Variants in PDSS2 observed in about 807,000 individuals in gnomAD.
PDSS2 encodes decaprenyl diphosphate synthase subunit 2.
In PDSS2, 31 loss-of-function variants were observed where a neutral mutation model predicts 44.5. That is an observed-to-expected ratio of 0.70 (90% confidence interval 0.52 to 0.94). The LOEUF is 0.94. PDSS2 is among the 40% of genes least tolerant of loss of function. PDSS2 has a pLI of 0.00. For synonymous variants in PDSS2, 157 were observed against 180.3 expected (o/e 0.87, Z 1.03); for missense variants, 452 against 482.2 (o/e 0.94, Z 0.59).
At chr6:107,379,944 TTCTC>T (rs745975566) in intron 1 of PDSS2, among the ~76,000 whole-genome samples, 20 of 152,226 alleles carry the variant, frequency 1.3e-4, no homozygotes, top group East Asian at 3.9e-4. Context: ...TATATTTTCT[TTCTC>T]TATTATCAGT....
At chr6:107,176,634 G>A (rs1011807342) in intron 7 of PDSS2, among the ~76,000 whole-genome samples, 1 of 152,110 alleles carries the variant, frequency 6.6e-6, no homozygotes, top group Non-Finnish European at 1.5e-5. Context: ...TGCTAAGTAC[G>A]TTTGTGAGTT....
intron 2 of PDSS2, among the ~76,000 whole-genome samples, chr6:107,313,243 G>T (rs17270064): frequency 0.15 from 22,509 of 152,124 alleles, 2,094 homozygotes; most frequent in East Asian, 0.26. Context: ...TTGTTCAGAA[G>T]TTCAGAATAT....
chr6:107,328,513 T>C (rs963558685), intron 2 of PDSS2, among the ~76,000 whole-genome samples: 14 of 152,174 alleles, frequency 9.2e-5, no homozygotes, highest in African/African-American at 3.1e-4. Context: ...TGACCTCAAA[T>C]GATCCACCCA....
At chr6:107,411,512 T>C (rs1394516213) in intron 1 of PDSS2, among the ~76,000 whole-genome samples, 1 of 152,194 alleles carries the variant, frequency 6.6e-6, no homozygotes, top group Non-Finnish European at 1.5e-5. Flanking sequence ...TTAAGAGCCA[T>C]CTATACAATT....
chr6:107,283,041 G>C (rs1776020682), intron 2 of PDSS2, among the ~76,000 whole-genome samples: 1 of 151,772 alleles, frequency 6.6e-6, no homozygotes, highest in Non-Finnish European at 1.5e-5. Context: ...CAGTTTGGCT[G>C]GGTGTGGTGG....
chr6:107,423,149 A>T lies in PDSS2; in HGVS notation c.296+35841T>A, dbSNP rs548445945. ...TGTATGCTTGCTCATCATGAAGTTG[A>T]TAATCTCTGCATCTCTGTTATATCT... On this transcript the variant is annotated intron_variant, in intron 1 of 7. Transcript: ENST00000369037. Among the ~76,000 whole-genome samples, 8 of 152,292 alleles carry T rather than the reference A, an allele frequency of 5.3e-5. No individual in the cohort carries two copies. The South Asian group carries it at 1.2e-3, about 24-fold the overall frequency.
At chr6:107,162,668 C>T (rs1450924238) in intron 7 of PDSS2, among the ~76,000 whole-genome samples, 5 of 129,768 alleles carry the variant, frequency 3.9e-5, no homozygotes, top group African/African-American at 6.1e-5. Flanking sequence ...AGTGCAGTGG[C>T]GCAATCTCAG....
chr6:107,458,648 T>TGA (rs1782135910), intron 1 of PDSS2, among the ~76,000 whole-genome samples: 1 of 148,402 alleles, frequency 6.7e-6, no homozygotes, highest in Admixed American at 6.8e-5. Context: ...ATCTATCCCA[T>TGA]TAAAAAAAAA....
chr6:107,315,003 G>A (rs895509586), intron 2 of PDSS2, among the ~76,000 whole-genome samples: 1 of 152,134 alleles, frequency 6.6e-6, no homozygotes, highest in African/African-American at 2.4e-5. Context: ...CAAAATTAAA[G>A]TTAATGAAGT....
At chr6:107,303,759 A>C (rs1179698032) in intron 2 of PDSS2, among the ~76,000 whole-genome samples, 2 of 152,214 alleles carry the variant, frequency 1.3e-5, no homozygotes, top group Admixed American at 6.5e-5. Context: ...ATTATTGTAA[A>C]CACTGCTGCA....
intron 1 of PDSS2, among the ~76,000 whole-genome samples, chr6:107,396,171 T>C (rs1454476696): frequency 6.6e-6 from 1 of 152,224 alleles, no homozygotes; most frequent in Non-Finnish European, 1.5e-5. Flanking sequence ...AATTTCACCT[T>C]ACCCATATAT....
chr6:107,459,454 T>C lies in PDSS2; in HGVS notation c.-169A>G. 1.6e-6 allele frequency: 1 copy of C among 625,320 alleles called. No homozygotes were observed. The highest frequency in any genetic ancestry group is 2.8e-6 in the Non-Finnish European group (1 of 353,688). The allele number at this position is 625,320 out of a possible 1,614,324, so 38.7% of individuals were successfully genotyped here. A position where few individuals can be genotyped will look rare whatever the true frequency, so the allele number is the denominator to read the frequency against. ...ACCAGAAACGAACTTTAACTGCTGC[T>C]TTCTGCAGCCCAGGCTGGGCAAACA... On this transcript the variant is annotated 5_prime_UTR_variant, in exon 1 of 8. Transcript: ENST00000369037. This position sits in a 1 kb window ranked among gnomAD's most constrained non-coding sequence, Gnocchi z 4.3.
intron 1 of PDSS2, among the ~76,000 whole-genome samples, chr6:107,357,218 C>A (rs779772502): frequency 3.3e-5 from 5 of 152,054 alleles, no homozygotes; most frequent in Non-Finnish European, 7.4e-5. Context: ...GCTTCATTAA[C>A]AATAAAGGAA....
chr6:107,272,770 G>A (rs921818235), intron 3 of PDSS2, among the ~76,000 whole-genome samples: 14 of 151,930 alleles, frequency 9.2e-5, no homozygotes, highest in Non-Finnish European at 1.8e-4. Flanking sequence ...ATCGTTTGAG[G>A]CCAGGAGTTC....
intron 1 of PDSS2, among the ~76,000 whole-genome samples, chr6:107,428,355 T>C (rs896148245): frequency 2.6e-5 from 4 of 152,246 alleles, no homozygotes; most frequent in African/African-American, 9.6e-5. Context: ...ATCACTATCT[T>C]CAACCATGAT....
At chr6:107,416,898 AG>A (rs1213782764) in intron 1 of PDSS2, among the ~76,000 whole-genome samples, 1 of 151,998 alleles carries the variant, frequency 6.6e-6, no homozygotes, top group Non-Finnish European at 1.5e-5. Context: ...AAAAAAAAAA[AG>A]ATGTCAACAT....
At chr6:107,236,059 C>A (rs12198933) in intron 4 of PDSS2, among the ~76,000 whole-genome samples, 9,288 of 151,604 alleles carry the variant, frequency 0.061, 595 homozygotes, top group African/African-American at 0.17. Context: ...TTATGAAAAC[C>A]AACTCACAGA....
At chr6:107,230,678 T>G (rs1036311768) in intron 4 of PDSS2, among the ~76,000 whole-genome samples, 1 of 151,512 alleles carries the variant, frequency 6.6e-6, no homozygotes, top group African/African-American at 2.4e-5. Flanking sequence ...CCAGGGCATG[T>G]TTTTCTCATA....
chr6:107,358,309 G>A (rs529931496), intron 1 of PDSS2, among the ~76,000 whole-genome samples: 101 of 152,168 alleles, frequency 6.6e-4, no homozygotes, highest in African/African-American at 1.9e-3. Context: ...AAACATGTCC[G>A]GTGCCAAGCA....
Sources: allele counts gnomAD v4.1 joint callset (sites outside exome capture counted in the v4.1 genomes callset), GRCh38; gene constraint gnomAD v4.1.1; non-coding constraint Gnocchi (gnomAD v3.1); transcripts MANE v1.5; gene names NCBI Gene and HGNC (gene_info 2026-07-23, HGNC 2026-07-21).